Variants in OTOGL observed in about 807,000 individuals in gnomAD.
The protein encoded by OTOGL is otogelin-like protein.
A neutral mutation model predicts 318.5 loss-of-function variants in OTOGL; 285 were observed. The observed-to-expected ratio is 0.89, with a 90% confidence interval of 0.81 to 0.99. OTOGL has a LOEUF of 0.99. Among genes scored for constraint, OTOGL ranks in the 50% least tolerant of loss-of-function variants. The pLI is 0.00. For missense variants in OTOGL, 2,899 were observed against 2,845.6 expected, an observed-to-expected ratio of 1.02 and a Z score of -0.43; for synonymous variants, 987 against 936.5, an observed-to-expected ratio of 1.05 and a Z score of -0.99.
intron 1 of OTOGL, among the ~76,000 whole-genome samples, chr12:80,196,688 T>G (rs1007344412): frequency 2.0e-5 from 3 of 152,212 alleles, no homozygotes; most frequent in Admixed American, 6.5e-5. Flanking sequence ...GCTATACAAA[T>G]GGTCTTCTCC....
At chr12:80,325,931 T>G (rs1210236015) in intron 35 of OTOGL, among the ~76,000 whole-genome samples, 1 of 152,150 alleles carries the variant, frequency 6.6e-6, no homozygotes, top group Non-Finnish European at 1.5e-5. Context: ...TCCTTAATGC[T>G]TCCAGTGTAT....
At chr12:80,225,329 G>A (rs1284077031) in intron 7 of OTOGL, among the ~76,000 whole-genome samples, 1 of 151,820 alleles carries the variant, frequency 6.6e-6, no homozygotes, top group Non-Finnish European at 1.5e-5. Context: ...TGAGGACTGA[G>A]GTGTCAACGA....
chr12:80,182,655 A>G (rs376268596), intron 1 of OTOGL, among the ~76,000 whole-genome samples: 1 of 152,146 alleles, frequency 6.6e-6, no homozygotes, highest in African/African-American at 2.4e-5. Flanking sequence ...AAGATTATGA[A>G]TTTTTCAGAT....
At chr12:80,344,121 A>G (rs980747) in intron 44 of OTOGL, among the ~76,000 whole-genome samples, 19,513 of 152,228 alleles carry the variant, frequency 0.13, 2,859 homozygotes, top group African/African-American at 0.36. Context: ...AGATTTGGAT[A>G]AAAATAAGTT....
chr12:80,178,606 C>A (rs566791132), intron 1 of OTOGL, among the ~76,000 whole-genome samples: 1 of 152,294 alleles, frequency 6.6e-6, no homozygotes, highest in Admixed American at 6.5e-5. Context: ...TCTCCCTACA[C>A]AAGCAGTAAG....
intron 1 of OTOGL, among the ~76,000 whole-genome samples, chr12:80,127,161 T>A (rs1354144620): frequency 1.3e-5 from 2 of 152,212 alleles, no homozygotes; most frequent in Non-Finnish European, 2.9e-5. Flanking sequence ...ATTTGGCATG[T>A]TTTTGCAGTG....
intron 47 of OTOGL, among the ~76,000 whole-genome samples, 175 bp downstream of exon 47, chr12:80,356,123 G>A (rs1238360254): frequency 6.6e-6 from 1 of 152,116 alleles, no homozygotes; most frequent in Non-Finnish European, 1.5e-5. Context: ...AAAAACTCTG[G>A]CTATTCACAG....
At chr12:80,214,438 T>C (rs1877526497) in intron 4 of OTOGL, among the ~76,000 whole-genome samples, 1 of 152,188 alleles carries the variant, frequency 6.6e-6, no homozygotes, top group Admixed American at 6.5e-5. Flanking sequence ...GGAAGGCACT[T>C]TCTATAGTCT....
intron 26 of OTOGL, 113 bp from the exon 27 acceptor site, chr12:80,296,710 GTTGT>G (rs1885424327): frequency 4.6e-5 from 2 of 43,848 alleles, no homozygotes; most frequent in East Asian, 0.021. Context: ...TTAGAGGTAA[GTTGT>G]TTTTCAGTTC....
At chr12:80,339,515 G>A (rs1229633679) in intron 43 of OTOGL, among the ~76,000 whole-genome samples, 2 of 151,754 alleles carry the variant, frequency 1.3e-5, no homozygotes, top group African/African-American at 4.8e-5. Flanking sequence ...CTACGATGCT[G>A]TTTGTATTTC....
chr12:80,336,738 G>C, intron 40 of OTOGL, 59 bp from the exon 41 acceptor site: 1 of 1,452,014 alleles, frequency 6.9e-7, no homozygotes, highest in Non-Finnish European at 9.3e-7. Flanking sequence ...ATATAAATCC[G>C]AATAATGTTT....
chr12:80,121,931 A>G (rs1870510940), intron 1 of OTOGL, among the ~76,000 whole-genome samples: 1 of 152,182 alleles, frequency 6.6e-6, no homozygotes, highest in Non-Finnish European at 1.5e-5. Flanking sequence ...ATGCACAGTG[A>G]CACACACTTA....
intron 1 of OTOGL, among the ~76,000 whole-genome samples, chr12:80,162,808 A>C (rs922926757): frequency 1.3e-5 from 2 of 151,454 alleles, no homozygotes; most frequent in Admixed American, 1.3e-4. Context: ...TTGGCGTAGA[A>C]CTCCAATATG....
At chr12:80,188,145 T>A (rs955573059) in intron 1 of OTOGL, among the ~76,000 whole-genome samples, 36 of 152,126 alleles carry the variant, frequency 2.4e-4, no homozygotes, top group African/African-American at 8.4e-4. Flanking sequence ...GAAATAAATA[T>A]TTGTCATGCA....
chr12:80,238,640 GAACT>G (rs1352304587), intron 9 of OTOGL, among the ~76,000 whole-genome samples: 1 of 151,980 alleles, frequency 6.6e-6, no homozygotes, highest in African/African-American at 2.4e-5. Flanking sequence ...CTTTCCAATG[GAACT>G]AACTTTTATT....
intron 1 of OTOGL, among the ~76,000 whole-genome samples, chr12:80,200,872 G>A (rs1336293246): frequency 6.6e-6 from 1 of 152,184 alleles, no homozygotes; most frequent in South Asian, 2.1e-4. Flanking sequence ...ATACTATGAT[G>A]AGAAAAATGG....
At chr12:80,100,895 C>T (rs1236773875) in intron 1 of OTOGL, among the ~76,000 whole-genome samples, 4 of 152,006 alleles carry the variant, frequency 2.6e-5, no homozygotes, top group Non-Finnish European at 4.4e-5. Flanking sequence ...GGAGAAAATG[C>T]TAGTACATTT....
intron 33 of OTOGL, 131 bp from the exon 34 acceptor site, chr12:80,320,291 C>T: frequency 4.0e-6 from 3 of 749,854 alleles, no homozygotes; most frequent in Non-Finnish European, 3.8e-6. Context: ...TTTGTGAAAT[C>T]TTAGTTATTG....
chr12:80,327,128 G>T (rs1310262938), intron 35 of OTOGL, among the ~76,000 whole-genome samples: 1 of 152,150 alleles, frequency 6.6e-6, no homozygotes, highest in Non-Finnish European at 1.5e-5. Flanking sequence ...GCACCTGAAG[G>T]ATTATATTTT....
Sources: gnomAD v4.1 joint callset for allele counts (sites outside exome capture counted in the v4.1 genomes callset) on GRCh38, gnomAD v4.1.1 for gene constraint, MANE v1.5 for transcripts, NCBI Gene and HGNC (gene_info 2026-07-23, HGNC 2026-07-21) for gene names.